CLVS1: variants seen among roughly 807,000 people sequenced by gnomAD.
The protein encoded by CLVS1 is clavesin 1, also known as clavesin-1.
In CLVS1, 10 loss-of-function variants were observed where a neutral mutation model predicts 33.1. The ratio of observed to expected loss-of-function variants is 0.30; its 90% CI spans 0.19 to 0.51. The LOEUF is 0.51. CLVS1 is among the 20% of genes least tolerant of loss of function. The pLI is 0.97. For synonymous variants in CLVS1, 163 were observed against 166.1 expected, an observed-to-expected ratio of 0.98 and a Z score of 0.14; for missense variants, 343 against 433.4, an observed-to-expected ratio of 0.79 and a Z score of 1.85.
intron 2 of CLVS1, among the ~76,000 whole-genome samples, chr8:61,278,131 C>G (rs994541981): frequency 1.3e-5 from 2 of 152,086 alleles, no homozygotes; most frequent in African/African-American, 2.4e-5. Flanking sequence ...ATTGTGGGGG[C>G]CGAGAGCATT....
intron 3 of CLVS1, among the ~76,000 whole-genome samples, chr8:61,416,156 C>T (rs1046490612): frequency 6.6e-6 from 1 of 152,140 alleles, no homozygotes; most frequent in African/African-American, 2.4e-5. Context: ...AAATAACAAT[C>T]TTCCTGTTTT....
At chr8:61,023,743 G>C in the CLVS1 span, among the ~76,000 whole-genome samples, 1 of 152,204 alleles carries the variant, frequency 6.6e-6, no homozygotes, top group East Asian at 1.9e-4. Flanking sequence ...CAGGGTGGGG[G>C]AGAGGCCCAG....
At chr8:61,085,889 T>C (rs1458826261) in intron 1 of CLVS1, among the ~76,000 whole-genome samples, 1 of 150,928 alleles carries the variant, frequency 6.6e-6, no homozygotes, top group African/African-American at 2.4e-5. Context: ...CCGGGTATGG[T>C]GGCGGGCGCG....
At chr8:61,061,339 G>A (rs759491568) in intron 1 of CLVS1, among the ~76,000 whole-genome samples, 1 of 152,120 alleles carries the variant, frequency 6.6e-6, no homozygotes, top group Non-Finnish European at 1.5e-5. Context: ...TGCTGTTCCA[G>A]ATCAGATAAC....
At position 61,211,556 on chromosome 8, in the gene CLVS1, G is replaced by A. The variant is rs919088599; in HGVS notation, c.-152+79696G>A. The stretch of plus-strand genomic sequence containing the variant: ...AAGGAAAAGATCCACTGGAGGGCAA[G>A]TCTTTGAGCTTAACTTCTCATGAGT... On this transcript the variant is annotated intron_variant, in intron 2 of 2. Coordinates refer to the CLVS1 transcript ENST00000522621. Among the ~76,000 whole-genome samples the A allele has an allele frequency of 2.0e-5, 3 of 152,296 alleles. No individual in the cohort carries two copies. In the South Asian group the frequency reaches 6.2e-4, roughly 32 times the overall value.
At chr8:61,095,163 C>T (rs1805326756) in intron 1 of CLVS1, among the ~76,000 whole-genome samples, 1 of 152,144 alleles carries the variant, frequency 6.6e-6, no homozygotes, top group African/African-American at 2.4e-5. Context: ...GAACTGAACT[C>T]GCCCTACCTA....
chr8:61,264,362 A>G (rs1809265228), intron 2 of CLVS1, among the ~76,000 whole-genome samples: 1 of 152,142 alleles, frequency 6.6e-6, no homozygotes. Flanking sequence ...CGAAGATTGC[A>G]GTGGGAAAAA....
chr8:61,357,646 C>T (rs1044075393), intron 2 of CLVS1, among the ~76,000 whole-genome samples: 3 of 151,520 alleles, frequency 2.0e-5, no homozygotes, highest in Non-Finnish European at 4.4e-5. Flanking sequence ...GCTGGGATTA[C>T]AGGTGCCTGC....
chr8:61,335,555 G>A (rs1273568751), intron 2 of CLVS1, among the ~76,000 whole-genome samples: 1 of 152,190 alleles, frequency 6.6e-6, no homozygotes, highest in East Asian at 1.9e-4. Context: ...GTGGATGAGG[G>A]AGAAACAGCC....
the CLVS1 span, among the ~76,000 whole-genome samples, chr8:61,004,580 G>C: frequency 6.6e-5 from 10 of 152,320 alleles, no homozygotes; most frequent in Admixed American, 5.9e-4. Context: ...GCTGGAAAGA[G>C]AGCCAGTCCC....
intron 2 of CLVS1, among the ~76,000 whole-genome samples, chr8:61,177,975 A>G (rs7009258): frequency 2.0e-5 from 3 of 151,920 alleles, no homozygotes; most frequent in East Asian, 1.9e-4. Context: ...GTAAGGGTGC[A>G]GAACTGTATG....
chr8:61,426,689 A>G (rs1291812207), intron 3 of CLVS1, among the ~76,000 whole-genome samples: 1 of 152,190 alleles, frequency 6.6e-6, no homozygotes, highest in Non-Finnish European at 1.5e-5. Context: ...AGGACCTGTC[A>G]TATGCCTGGC....
In CLVS1 at chr8:61,458,508, C is replaced by A. The variant is rs764603864; in HGVS notation, c.943C>A (p.Leu315Met). Residue 315 changes from leucine (L) to methionine (M), a missense_variant, in exon 5 of 6, where the codon CTG becomes ATG. Physicochemically the swap from Leu to Met is conservative, Grantham distance 15 (BLOSUM62 2). Transcript: ENST00000325897. ...AMHVKHTSSN[L>M]ERECSPKLMK... Reference sequence around the variant, plus strand: ...GCACGTGAAGCATACGTCCTCGAATCTGGAGAGAGAATGCTCACCCAAGCT... The same window carrying A: ...GCACGTGAAGCATACGTCCTCGAATATGGAGAGAGAATGCTCACCCAAGCT... 1 of 1,612,728 alleles carries A rather than the reference C, an allele frequency of 6.2e-7. No individual in the cohort carries two copies. Among genetic ancestry groups the A allele is most frequent in the South Asian group, 1.1e-5 (1 of 90,788 alleles).
chr8:61,500,964 C>G lies in CLVS1; in HGVS notation c.*1422C>G, dbSNP rs1804786526. Reference sequence around the variant, plus strand: ...TTACATCATCTCTTTCTCAATGGATCTAATGTTTTAATTTTTTCCCCTATT... The same window carrying G: ...TTACATCATCTCTTTCTCAATGGATGTAATGTTTTAATTTTTTCCCCTATT... On this transcript the variant is annotated 3_prime_UTR_variant, in exon 6 of 6. Transcript: ENST00000325897. The G allele has an allele frequency of 6.6e-6, 1 of 152,032 alleles. No individual in the cohort carries two copies. The highest frequency in any genetic ancestry group is 6.6e-5 in the Admixed American group (1 of 15,260). The allele number at this position is 152,032 out of a possible 1,614,324, so 9.4% of individuals were successfully genotyped here. A position where few individuals can be genotyped will look rare whatever the true frequency, so the allele number is the denominator to read the frequency against.
At chr8:61,077,020 C>T (rs1236993681) in intron 1 of CLVS1, among the ~76,000 whole-genome samples, 2 of 152,128 alleles carry the variant, frequency 1.3e-5, no homozygotes, top group Admixed American at 1.3e-4. Context: ...TACATTTGGT[C>T]CTTGAAATAC....
chr8:61,385,878 GA>G (rs1456063489), intron 3 of CLVS1, among the ~76,000 whole-genome samples: 2 of 152,190 alleles, frequency 1.3e-5, no homozygotes, highest in African/African-American at 4.8e-5. Context: ...GAACCATAGA[GA>G]CTAAAATGTT....
At chr8:61,339,235 A>G (rs996335254) in intron 2 of CLVS1, among the ~76,000 whole-genome samples, 1 of 151,954 alleles carries the variant, frequency 6.6e-6, no homozygotes, top group Non-Finnish European at 1.5e-5. Flanking sequence ...TCGAGTGAGA[A>G]CACATATCCG....
At chr8:61,236,973 T>C (rs1808576872) in intron 2 of CLVS1, among the ~76,000 whole-genome samples, 1 of 152,222 alleles carries the variant, frequency 6.6e-6, no homozygotes, top group African/African-American at 2.4e-5. Context: ...AAAGTTGTGT[T>C]ATTAATATGG....
At chr8:61,112,607 G>T (rs1321091453) in intron 1 of CLVS1, among the ~76,000 whole-genome samples, 1 of 152,196 alleles carries the variant, frequency 6.6e-6, no homozygotes, top group African/African-American at 2.4e-5. Flanking sequence ...TAAGAGATTA[G>T]AAGTAAGGTA....
Sources: allele counts gnomAD v4.1 joint callset (sites outside exome capture counted in the v4.1 genomes callset), GRCh38; gene constraint gnomAD v4.1.1; transcripts MANE v1.5; gene names NCBI Gene and HGNC (gene_info 2026-07-23, HGNC 2026-07-21).